The following DCAF8L2 variants were observed in gnomAD, a reference collection of about 807,000 sequenced individuals.
DCAF8L2 encodes the protein DDB1 and CUL4 associated factor 8 like 2.
For synonymous variants in DCAF8L2, 200 were observed against 190.9 expected (o/e 1.05, Z -0.39); for missense variants, 430 against 490.7 (o/e 0.88, Z 1.17).
intron 2 of DCAF8L2, among the ~76,000 whole-genome samples, chrX:27,668,036 C>A (rs1929803405): frequency 9.0e-6 from 1 of 111,623 alleles, no homozygotes; most frequent in East Asian, 2.8e-4. Context: ...TGAAGGCTTT[C>A]AAGATAAAGA....
In DCAF8L2 at chrX:27,623,391, G is replaced by T. The variant is rs780936655; in HGVS notation, c.-341-8488G>T. On this transcript the variant is annotated intron_variant, in intron 1 of 4. Transcript: ENST00000451261. ...TATTAATTTACTGTAAACCTAAAAA[G>T]TCATACTGGAAATACTGCATAAATG... Among the ~76,000 whole-genome samples the T allele has an allele frequency of 5.4e-5, 6 of 111,408 alleles. No homozygotes were observed. The East Asian group carries it at 8.4e-4, about 16-fold the overall frequency.
At chrX:27,743,459 G>A (rs1161242977) in intron 4 of DCAF8L2, among the ~76,000 whole-genome samples, 1 of 110,442 alleles carries the variant, frequency 9.1e-6, no homozygotes, top group South Asian at 3.9e-4. Context: ...GTGCAGTGGC[G>A]CGACCTCAGC....
intron 1 of DCAF8L2, among the ~76,000 whole-genome samples, 152 bp downstream of exon 1, chrX:27,590,592 T>A (rs909348275): frequency 9.0e-6 from 1 of 111,343 alleles, no homozygotes; most frequent in Non-Finnish European, 1.9e-5. Flanking sequence ...GTCTTGTTTC[T>A]TAATTTTACA....
the DCAF8L2 span, among the ~76,000 whole-genome samples, chrX:27,472,501 A>G: frequency 2.7e-5 from 3 of 111,453 alleles, no homozygotes; most frequent in African/African-American, 9.8e-5. Context: ...CCTAGGTATT[A>G]AACCCCACAT....
At chrX:27,519,005 G>A in the DCAF8L2 span, 1 of 818,491 alleles carries the variant, frequency 1.2e-6, no homozygotes, top group South Asian at 2.1e-5. Flanking sequence ...TTGGCCTTAT[G>A]TATGGGAAAC....
intron 3 of DCAF8L2, among the ~76,000 whole-genome samples, chrX:27,712,293 G>A (rs1019684797): frequency 2.7e-5 from 3 of 111,275 alleles, no homozygotes; most frequent in Non-Finnish European, 3.8e-5. Context: ...ATTTCAAATC[G>A]TGTCATGGCC....
the DCAF8L2 span, among the ~76,000 whole-genome samples, chrX:27,535,267 T>C: frequency 2.7e-5 from 3 of 111,824 alleles, no homozygotes; most frequent in Non-Finnish European, 5.6e-5. Flanking sequence ...TAGATGTAAG[T>C]CATCTTTTTC....
intron 3 of DCAF8L2, among the ~76,000 whole-genome samples, chrX:27,704,399 A>G (rs1433770308): frequency 9.2e-6 from 1 of 108,854 alleles, no homozygotes; most frequent in East Asian, 2.9e-4. Flanking sequence ...ATTATTCTAA[A>G]TAAAATATGC....
the DCAF8L2 span, among the ~76,000 whole-genome samples, chrX:27,574,957 G>A: frequency 8.9e-6 from 1 of 112,144 alleles, no homozygotes; most frequent in Non-Finnish European, 1.9e-5. Flanking sequence ...CTTGTAGCAA[G>A]GACAGAGGGC....
intron 4 of DCAF8L2, among the ~76,000 whole-genome samples, chrX:27,720,633 A>G (rs1192537332): frequency 9.0e-6 from 1 of 111,352 alleles, no homozygotes; most frequent in Non-Finnish European, 1.9e-5. Flanking sequence ...TCGGCCTCCC[A>G]AAGTGCTGGG....
chrX:27,746,116 T>C (rs983725704), intron 4 of DCAF8L2, among the ~76,000 whole-genome samples: 7 of 112,021 alleles, frequency 6.2e-5, no homozygotes. Flanking sequence ...GTCTAAATTC[T>C]TCTCACTAAA....
At chrX:27,693,531 A>G (rs925045215) in intron 3 of DCAF8L2, among the ~76,000 whole-genome samples, 8 of 111,266 alleles carry the variant, frequency 7.2e-5, no homozygotes. Flanking sequence ...GTTCCTGTCC[A>G]TATAGAAACC....
the DCAF8L2 span, among the ~76,000 whole-genome samples, chrX:27,502,335 A>AATAT: frequency 0.021 from 269 of 12,575 alleles, 9 homozygotes; most frequent in Middle Eastern, 0.11. Context: ...AAAAAAAAAA[A>AATAT]ATATATATAT....
the DCAF8L2 span, among the ~76,000 whole-genome samples, chrX:27,496,899 A>G: frequency 1.8e-5 from 2 of 112,546 alleles, no homozygotes; most frequent in Non-Finnish European, 3.7e-5. Context: ...CTATTGATGC[A>G]TACAACTTGG....
the DCAF8L2 span, among the ~76,000 whole-genome samples, chrX:27,566,869 C>A: frequency 3.7e-5 from 4 of 109,426 alleles, no homozygotes; most frequent in South Asian, 7.7e-4. Flanking sequence ...TTGCTATAAA[C>A]TTCCCTCTTA....
rs183285224 is a variant in DCAF8L2 at position 27,674,840 on chromosome X, G to T, written c.-219-2996G>T. On this transcript the variant is annotated intron_variant, in intron 2 of 4. Transcript: ENST00000451261. The stretch of plus-strand genomic sequence containing the variant: ...AGGATTGAACAGTATTTTGGACCGG[G>T]TGCTCTCAATTCAGAATTGAGGCTT... 8.0e-4 allele frequency among the ~76,000 whole-genome samples: 89 copies of T among 111,590 alleles called. 1 individual carries two copies. Among genetic ancestry groups the T allele is most frequent in the African/African-American group, 2.8e-3 (85 of 30,740 alleles).
chrX:27,624,912 G>A (rs776887080), intron 1 of DCAF8L2, among the ~76,000 whole-genome samples: 9 of 111,683 alleles, frequency 8.1e-5, no homozygotes, highest in Non-Finnish European at 1.5e-4. Context: ...ATATAACCTA[G>A]GAAATACCAT....
intron 2 of DCAF8L2, among the ~76,000 whole-genome samples, chrX:27,642,402 A>G (rs1284444094): frequency 9.0e-6 from 1 of 110,752 alleles, no homozygotes; most frequent in Non-Finnish European, 1.9e-5. Context: ...TGAAAACAGC[A>G]ATTTTTTTTT....
At chrX:27,623,805 A>T (rs987859335) in intron 1 of DCAF8L2, among the ~76,000 whole-genome samples, 2 of 111,574 alleles carry the variant, frequency 1.8e-5, no homozygotes, top group African/African-American at 6.5e-5. Flanking sequence ...AAAGAATTAG[A>T]TTTCCTTTCA....
Sources: gnomAD v4.1 joint callset for allele counts (sites outside exome capture counted in the v4.1 genomes callset) on GRCh38, gnomAD v4.1.1 for gene constraint, MANE v1.5 for transcripts, NCBI Gene and HGNC (gene_info 2026-07-23, HGNC 2026-07-21) for gene names.